GALNT16: variants seen among roughly 807,000 people sequenced by gnomAD.
GALNT16 encodes UDP-GalNAc:polypeptide N-acetylgalactosaminyltransferase-like protein 1.
GALNT16 carries 40 observed loss-of-function variants against 76.1 expected under a neutral mutation model. The ratio of observed to expected loss-of-function variants is 0.53; its 90% CI spans 0.41 to 0.68. GALNT16 has a LOEUF of 0.68. Among genes scored for constraint, GALNT16 ranks in the 30% least tolerant of loss-of-function variants. The pLI, the probability that GALNT16 is intolerant of heterozygous loss-of-function variation, is 0.00. For synonymous variants in GALNT16, 276 were observed against 285.2 expected (o/e 0.97, Z 0.32); for missense variants, 621 against 731.9 (o/e 0.85, Z 1.75).
intron 1 of GALNT16, among the ~76,000 whole-genome samples, chr14:69,270,208 T>C (rs2044390924): frequency 6.6e-6 from 1 of 152,020 alleles, no homozygotes; most frequent in African/African-American, 2.4e-5. Flanking sequence ...TAGGCACTCG[T>C]GCGGGGAGTA....
At chr14:69,341,420 C>T (rs1287696713) in intron 11 of GALNT16, among the ~76,000 whole-genome samples, 1 of 152,212 alleles carries the variant, frequency 6.6e-6, no homozygotes, top group East Asian at 1.9e-4. Flanking sequence ...AAGGCATGGT[C>T]CCGTATGGTC....
chr14:69,296,728 T>TGATAGATAGATAGATA (rs141440096), intron 1 of GALNT16, among the ~76,000 whole-genome samples: 2 of 141,956 alleles, frequency 1.4e-5, no homozygotes, highest in African/African-American at 5.3e-5. Flanking sequence ...GACAGATAGA[T>TGATAGATAGATAGATA]GATAGATAGA....
chr14:69,300,071 G>C (rs1275119915), intron 1 of GALNT16, among the ~76,000 whole-genome samples: 1 of 152,168 alleles, frequency 6.6e-6, no homozygotes, highest in African/African-American at 2.4e-5. Flanking sequence ...AGGAAGGGAT[G>C]TTTCCTAGGG....
At chr14:69,336,915 C>T (rs543271850) in intron 9 of GALNT16, among the ~76,000 whole-genome samples, 108 of 152,014 alleles carry the variant, frequency 7.1e-4, no homozygotes, top group Middle Eastern at 3.4e-3. Flanking sequence ...TTAGTAGAGA[C>T]GGGGTTTCAC....
chr14:69,338,264 C>T (rs1246413813), intron 9 of GALNT16, among the ~76,000 whole-genome samples: 1 of 152,228 alleles, frequency 6.6e-6, no homozygotes, highest in African/African-American at 2.4e-5. Context: ...CTCAGGTGCA[C>T]AGAGCTGGCT....
Position 69,338,666 on chromosome 14 carries a change from T to A in GALNT16, c.983T>A (p.Val328Glu). Residue 328 changes from valine to glutamate, a missense_variant, in exon 10 of 15, where the codon GTG becomes GAG. Val to Glu is a moderately radical substitution (Grantham distance 121). Transcript: ENST00000448469. ...TTTCCTGCAGAGCTCTCCTTCAGGG[T>A]GTGGATGTGTGGTGGCAGTCTGGAG... ...GGENFELSFR[V>E]WMCGGSLEIV... is the part of the protein sequence containing the mutation. 6.2e-7 allele frequency: 1 copy of A among 1,613,232 alleles called. No homozygotes were observed. Among genetic ancestry groups the A allele is most frequent in the Non-Finnish European group, 8.5e-7 (1 of 1,179,654 alleles).
intron 1 of GALNT16, among the ~76,000 whole-genome samples, chr14:69,273,746 C>A (rs1034727153): frequency 1.3e-5 from 2 of 152,190 alleles, no homozygotes; most frequent in Non-Finnish European, 2.9e-5. Flanking sequence ...AGTCTCAATA[C>A]CCACTTCACA....
At chr14:69,346,774 C>T (rs2045569806) in intron 12 of GALNT16, among the ~76,000 whole-genome samples, 1 of 152,184 alleles carries the variant, frequency 6.6e-6, no homozygotes, top group African/African-American at 2.4e-5. Context: ...GAGCTCCGCC[C>T]ATGGCTCCCC....
the GALNT16 span, among the ~76,000 whole-genome samples, chr14:69,383,201 T>C: frequency 1.3e-5 from 2 of 152,266 alleles, no homozygotes; most frequent in Non-Finnish European, 2.9e-5. Flanking sequence ...GACTCTGACT[T>C]TAAGTATACG....
chr14:69,301,815 C>T (rs2044856625), intron 1 of GALNT16, among the ~76,000 whole-genome samples: 1 of 152,134 alleles, frequency 6.6e-6, no homozygotes, highest in African/African-American at 2.4e-5. Context: ...ATGGTGAAAC[C>T]TGCTCTCTCC....
chr14:69,351,992 T>C (rs755096972), intron 14 of GALNT16, 39 bp from the exon 15 acceptor site: 1 of 1,562,272 alleles, frequency 6.4e-7, no homozygotes, highest in South Asian at 1.2e-5. Flanking sequence ...AAATCATTGT[T>C]TTCTCCTTCC....
At chr14:69,271,128 A>G (rs542056808) in intron 1 of GALNT16, among the ~76,000 whole-genome samples, 11 of 152,274 alleles carry the variant, frequency 7.2e-5, no homozygotes, top group African/African-American at 2.6e-4. Flanking sequence ...TTCTCCCAAA[A>G]CAACAACGGG....
At chr14:69,369,122 G>C in the GALNT16 span, among the ~76,000 whole-genome samples, 1 of 152,324 alleles carries the variant, frequency 6.6e-6, no homozygotes, top group African/African-American at 2.4e-5. Flanking sequence ...CCCTGAGGTA[G>C]GAAGATCAAT....
At chr14:69,288,103 A>C (rs1206630585) in intron 1 of GALNT16, among the ~76,000 whole-genome samples, 1 of 152,240 alleles carries the variant, frequency 6.6e-6, no homozygotes, top group African/African-American at 2.4e-5. Flanking sequence ...ACTGCTTTCC[A>C]GCAGGGACTG....
At chr14:69,280,983 C>T (rs2044533114) in intron 1 of GALNT16, among the ~76,000 whole-genome samples, 1 of 152,152 alleles carries the variant, frequency 6.6e-6, no homozygotes, top group Non-Finnish European at 1.5e-5. Flanking sequence ...CCAAACTGCT[C>T]ATGGCTAATA....
chr14:69,331,838 T>G (rs969423223), intron 7 of GALNT16, among the ~76,000 whole-genome samples: 2 of 152,238 alleles, frequency 1.3e-5, no homozygotes, highest in Non-Finnish European at 2.9e-5. Context: ...TCCCAAATGC[T>G]GCCAGCCTAG....
At chr14:69,378,694 T>C in the GALNT16 span, among the ~76,000 whole-genome samples, 1 of 152,212 alleles carries the variant, frequency 6.6e-6, no homozygotes. Flanking sequence ...CTTTCTCACA[T>C]TCCTTTCTCA....
chr14:69,334,897 G>A (rs1190576341), intron 9 of GALNT16, among the ~76,000 whole-genome samples: 3 of 152,054 alleles, frequency 2.0e-5, no homozygotes, highest in East Asian at 3.9e-4. Context: ...CAGGTCCTTG[G>A]TGGCCTGTTC....
chr14:69,377,376 A>G, the GALNT16 span, among the ~76,000 whole-genome samples: 1 of 152,246 alleles, frequency 6.6e-6, no homozygotes, highest in Non-Finnish European at 1.5e-5. Flanking sequence ...TACCATTAAT[A>G]GAGATATAAT....
Sources: allele counts gnomAD v4.1 joint callset (sites outside exome capture counted in the v4.1 genomes callset), GRCh38; gene constraint gnomAD v4.1.1; transcripts MANE v1.5; gene names NCBI Gene and HGNC (gene_info 2026-07-23, HGNC 2026-07-21).